Variants in ZNF254 observed in about 807,000 individuals in gnomAD.
The protein encoded by ZNF254 is zinc finger protein 254, also known as CTD-2017D11.1.
In ZNF254, 10 loss-of-function variants were observed where a neutral mutation model predicts 12.4. The observed-to-expected ratio is 0.80, with a 90% confidence interval of 0.50 to 1.36. The LOEUF (loss-of-function observed/expected upper bound fraction) is 1.36, where lower values mean the gene tolerates loss of function less well. ZNF254 is among the 40% of genes most tolerant of loss of function. The probability of loss-of-function intolerance (pLI) is 0.00; values close to 1 mark genes in which losing one functional copy is unlikely to be tolerated. For synonymous variants in ZNF254, 305 were observed against 253.4 expected (o/e 1.20, Z -1.93); for missense variants, 996 against 763.9 (o/e 1.30, Z -3.58).
upstream of ZNF254, among the ~76,000 whole-genome samples, chr19:24,084,140 T>C (rs1171822740): frequency 2.0e-5 from 3 of 148,044 alleles, no homozygotes; most frequent in African/African-American, 7.4e-5. Context: ...TATACCACAT[T>C]TTCTTTATAT....
intron 2 of ZNF254, among the ~76,000 whole-genome samples, chr19:24,061,927 T>C (rs1057392394): frequency 2.0e-5 from 3 of 151,590 alleles, no homozygotes; most frequent in African/African-American, 4.8e-5. Flanking sequence ...CTACTAAAAA[T>C]ACAAAAAATT....
At chr19:24,107,272 TA>T (rs1223585217) in intron 3 of ZNF254, 1 of 635,814 alleles carries the variant, frequency 1.6e-6, no homozygotes, top group African/African-American at 1.9e-5. Flanking sequence ...AGGAGTTCTT[TA>T]AATCTACAGG....
intron 2 of ZNF254, among the ~76,000 whole-genome samples, chr19:24,050,743 G>T (rs1970614896): frequency 6.6e-6 from 1 of 152,148 alleles, no homozygotes; most frequent in South Asian, 2.1e-4. Flanking sequence ...CACCTACATT[G>T]TGTGACTTTT....
At chr19:24,085,909 TAA>T (rs1379165168), upstream of ZNF254, among the ~76,000 whole-genome samples, 1 of 152,018 alleles carries the variant, frequency 6.6e-6, no homozygotes, top group East Asian at 1.9e-4. Context: ...AAATACAACA[TAA>T]AAATTTAAAA....
chr19:24,041,640 C>T (rs1411554708), intron 1 of ZNF254, among the ~76,000 whole-genome samples: 1 of 152,248 alleles, frequency 6.6e-6, no homozygotes, highest in African/African-American at 2.4e-5. Context: ...CCCCGACGAG[C>T]ACCACCCCCT....
At position 24,087,264 on chromosome 19, in the gene ZNF254, T is replaced by G; in HGVS notation, c.-44T>G. 1 of 1,612,510 alleles carries G rather than the reference T, an allele frequency of 6.2e-7. No homozygotes were observed. The highest frequency in any genetic ancestry group is 8.5e-7 in the Non-Finnish European group (1 of 1,179,046). ...GTCCTCTGCTCCTAGAGGCCCAGCC[T>G]CTGTGGCGCTGTTACCAGCAGGTAT... On this transcript the variant is annotated 5_prime_UTR_variant, in exon 1 of 4. Transcript: ENST00000357002.
intron 1 of ZNF254, among the ~76,000 whole-genome samples, chr19:24,038,988 A>C (rs560086656): frequency 1.3e-5 from 2 of 152,342 alleles, no homozygotes; most frequent in East Asian, 3.9e-4. Context: ...TGCATGTGGC[A>C]AGGGTGCCTT....
chr19:24,115,456 A>C (rs1973985508), intron 3 of ZNF254, among the ~76,000 whole-genome samples: 1 of 129,524 alleles, frequency 7.7e-6, no homozygotes, highest in Non-Finnish European at 1.6e-5. Context: ...ATTCCCACTC[A>C]TGGGGGGAAT....
intron 2 of ZNF254, among the ~76,000 whole-genome samples, chr19:24,052,745 G>C (rs1970695953): frequency 6.6e-6 from 1 of 152,164 alleles, no homozygotes; most frequent in Non-Finnish European, 1.5e-5. Flanking sequence ...GCCCCAAAAG[G>C]CAGGTGATGT....
chr19:24,096,697 A>G (rs1972692222), intron 1 of ZNF254, among the ~76,000 whole-genome samples: 1 of 152,172 alleles, frequency 6.6e-6, no homozygotes, highest in African/African-American at 2.4e-5. Context: ...TGTAGACTTT[A>G]GGTCCTAATG....
At chr19:24,053,833 T>G (rs1970738400) in intron 2 of ZNF254, among the ~76,000 whole-genome samples, 1 of 152,206 alleles carries the variant, frequency 6.6e-6, no homozygotes, top group Non-Finnish European at 1.5e-5. Flanking sequence ...AAGGGAGGAT[T>G]GCGGCATATC....
At chr19:24,069,958 C>G (rs1971422711) in intron 2 of ZNF254, among the ~76,000 whole-genome samples, 2 of 152,150 alleles carry the variant, frequency 1.3e-5, no homozygotes, top group Admixed American at 1.3e-4. Flanking sequence ...TCCTGCCGCT[C>G]ATTACAATTG....
chr19:24,106,469 T>G, intron 2 of ZNF254, 79 bp from the exon 3 acceptor site: 1 of 1,131,824 alleles, frequency 8.8e-7, no homozygotes, highest in Non-Finnish European at 1.3e-6. Flanking sequence ...TTCTATTATA[T>G]CCTCCTTACT....
intron 2 of ZNF254, among the ~76,000 whole-genome samples, chr19:24,076,606 T>A (rs1490056753): frequency 6.6e-6 from 1 of 152,124 alleles, no homozygotes; most frequent in Non-Finnish European, 1.5e-5. Context: ...TTTGAATGCC[T>A]CTGACATAGA....
intron 1 of ZNF254, among the ~76,000 whole-genome samples, chr19:24,035,942 C>T (rs1402516026): frequency 6.6e-6 from 1 of 152,174 alleles, no homozygotes; most frequent in Admixed American, 6.5e-5. Context: ...TCTTACCTGC[C>T]CACTTCATCT....
At chr19:24,123,780 A>G (rs374634051) in intron 3 of ZNF254, among the ~76,000 whole-genome samples, 184 of 152,188 alleles carry the variant, frequency 1.2e-3, no homozygotes, top group African/African-American at 3.9e-3. Flanking sequence ...CTTGTGTAAG[A>G]TTATTTTGAC....
chr19:24,052,187 G>T (rs1356152819), intron 2 of ZNF254, among the ~76,000 whole-genome samples: 2 of 152,210 alleles, frequency 1.3e-5, no homozygotes, highest in Non-Finnish European at 2.9e-5. Flanking sequence ...CCTATGTGTT[G>T]TGACTCTCCT....
chr19:24,122,874 A>G (rs924672618), intron 3 of ZNF254, among the ~76,000 whole-genome samples: 10 of 152,192 alleles, frequency 6.6e-5, no homozygotes, highest in Admixed American at 5.9e-4. Context: ...TATGTGCTGC[A>G]TTCTATTTTA....
At chr19:24,102,226 TTTG>T (rs1973073318) in intron 1 of ZNF254, among the ~76,000 whole-genome samples, 2 of 124,300 alleles carry the variant, frequency 1.6e-5, no homozygotes, top group South Asian at 2.6e-4. Flanking sequence ...ATAAACAAAA[TTTG>T]TTTTTTTTTT....
Sources: gnomAD v4.1 joint callset for allele counts (sites outside exome capture counted in the v4.1 genomes callset) on GRCh38, gnomAD v4.1.1 for gene constraint, MANE v1.5 for transcripts, NCBI Gene and HGNC (gene_info 2026-07-23, HGNC 2026-07-21) for gene names.